The following VWC2L variants were observed in gnomAD, a reference collection of about 807,000 sequenced individuals.
VWC2L encodes von Willebrand factor C domain-containing protein 2-like.
In VWC2L, 10 loss-of-function variants were observed where a neutral mutation model predicts 21.6. The observed-to-expected ratio is 0.46, with a 90% CI of 0.29 to 0.78. The LOEUF is 0.78. VWC2L is among the 30% of genes least tolerant of loss of function. The pLI is 0.10. For missense variants in VWC2L, 209 were observed against 277.1 expected (o/e 0.75, Z 1.74); for synonymous variants, 96 against 94.3 (o/e 1.02, Z -0.10).
intron 3 of VWC2L, among the ~76,000 whole-genome samples, chr2:214,454,989 T>A (rs933267041): frequency 5.3e-5 from 8 of 152,238 alleles, no homozygotes; most frequent in African/African-American, 1.7e-4. Context: ...TTGCAAAAAA[T>A]TTTTTAAAAA....
chr2:214,456,016 C>G (rs190281081), intron 3 of VWC2L, among the ~76,000 whole-genome samples: 19 of 152,182 alleles, frequency 1.2e-4, no homozygotes, highest in Admixed American at 9.2e-4. Flanking sequence ...GATGGTATCC[C>G]TTTGATATAC....
intron 3 of VWC2L, among the ~76,000 whole-genome samples, 191 bp from the exon 4 acceptor site, chr2:214,575,481 A>G (rs1266170695): frequency 6.6e-6 from 1 of 152,174 alleles, no homozygotes; most frequent in Non-Finnish European, 1.5e-5. Flanking sequence ...CACGGGAAAT[A>G]TGAGCTGTGT....
At chr2:214,550,915 G>A (rs1689783672) in intron 3 of VWC2L, among the ~76,000 whole-genome samples, 1 of 152,032 alleles carries the variant, frequency 6.6e-6, no homozygotes, top group Non-Finnish European at 1.5e-5. Context: ...GCTACAAAAG[G>A]CCTTTTGTAA....
chr2:214,445,651 T>A (rs550280809), intron 3 of VWC2L, among the ~76,000 whole-genome samples: 23 of 151,934 alleles, frequency 1.5e-4, no homozygotes, highest in African/African-American at 4.6e-4. Context: ...CTATATGATA[T>A]GATAACTTTA....
intron 3 of VWC2L, among the ~76,000 whole-genome samples, chr2:214,485,443 A>G (rs13425618): frequency 0.23 from 34,577 of 152,072 alleles, 4,029 homozygotes; most frequent in Admixed American, 0.27. Flanking sequence ...TCTCTGTGTG[A>G]CTGTAGGTAA....
chr2:214,466,538 T>C (rs908070422), intron 3 of VWC2L, among the ~76,000 whole-genome samples: 1 of 152,226 alleles, frequency 6.6e-6, no homozygotes, highest in African/African-American at 2.4e-5. Flanking sequence ...TTATTCAGGC[T>C]TTATTTTTTA....
chr2:214,526,071 A>G (rs1008867301), intron 3 of VWC2L, among the ~76,000 whole-genome samples: 2 of 150,584 alleles, frequency 1.3e-5, no homozygotes, highest in African/African-American at 4.8e-5. Flanking sequence ...AAAAATAAAT[A>G]ACATATATTA....
chr2:214,435,695 A>G (rs1410648027), intron 2 of VWC2L, among the ~76,000 whole-genome samples: 1 of 152,124 alleles, frequency 6.6e-6, no homozygotes, highest in Non-Finnish European at 1.5e-5. Flanking sequence ...TTGATTTGAG[A>G]AATGTGGACA....
rs569602059 is a variant in VWC2L, at chr2:214,457,773, AT to A, written c.520+21018del. Among the ~76,000 whole-genome samples, 261 of 152,150 alleles carry A rather than the reference AT, an allele frequency of 1.7e-3. 2 individuals carry two copies. Among genetic ancestry groups the A allele is most frequent in the East Asian group, 9.6e-3 (50 of 5,182 alleles). ...TTGATATGATGTATCACATTTATGCATTTGGTTATGCTGATCCATCCCTATA... is the reference window on the plus strand; with the variant it reads ...TTGATATGATGTATCACATTTATGCATTGGTTATGCTGATCCATCCCTATA... On this transcript the variant is annotated intron_variant, in intron 3 of 3. Transcript: ENST00000312504.
intron 3 of VWC2L, among the ~76,000 whole-genome samples, chr2:214,499,346 T>G (rs1688859135): frequency 6.6e-6 from 1 of 151,932 alleles, no homozygotes; most frequent in Non-Finnish European, 1.5e-5. Flanking sequence ...CAGATAAAAT[T>G]GAAGGGAAGA....
At chr2:214,498,957 A>C (rs1688851323) in intron 3 of VWC2L, among the ~76,000 whole-genome samples, 1 of 148,602 alleles carries the variant, frequency 6.7e-6, no homozygotes, top group Non-Finnish European at 1.5e-5. Context: ...GTCAACATAG[A>C]GGGGATTTAT....
chr2:214,455,326 C>T (rs1017099781), intron 3 of VWC2L, among the ~76,000 whole-genome samples: 2 of 152,094 alleles, frequency 1.3e-5, no homozygotes, highest in African/African-American at 4.8e-5. Flanking sequence ...ATCTAAGCTG[C>T]TGGATTTATG....
intron 3 of VWC2L, among the ~76,000 whole-genome samples, chr2:214,516,780 G>A (rs1248185194): frequency 6.6e-6 from 1 of 152,094 alleles, no homozygotes; most frequent in Non-Finnish European, 1.5e-5. Flanking sequence ...GAGGCATGTA[G>A]ACTTACGTTT....
chr2:214,558,253 A>G (rs1444983247), intron 3 of VWC2L, among the ~76,000 whole-genome samples: 1 of 151,998 alleles, frequency 6.6e-6, no homozygotes, highest in African/African-American at 2.4e-5. Context: ...TTAAATGACA[A>G]TGTCGTCCTA....
chr2:214,491,800 C>T (rs1286975085), intron 3 of VWC2L, among the ~76,000 whole-genome samples: 1 of 151,948 alleles, frequency 6.6e-6, no homozygotes, highest in East Asian at 1.9e-4. Flanking sequence ...AGTTTTATTT[C>T]TACATGTGTA....
At chr2:214,572,452 C>T (rs6720010) in intron 3 of VWC2L, among the ~76,000 whole-genome samples, 47,577 of 152,036 alleles carry the variant, frequency 0.31, 8,997 homozygotes, top group African/African-American at 0.55. Context: ...CATTAAAATA[C>T]GTTGCTTTGC....
chr2:214,497,921 G>A (rs1421031982), intron 3 of VWC2L, among the ~76,000 whole-genome samples: 5 of 152,332 alleles, frequency 3.3e-5, no homozygotes, highest in African/African-American at 9.6e-5. Flanking sequence ...TGTGCTAGGT[G>A]CTGTAATGAA....
At chr2:214,453,572 G>T (rs1703008109) in intron 3 of VWC2L, among the ~76,000 whole-genome samples, 1 of 152,062 alleles carries the variant, frequency 6.6e-6, no homozygotes, top group Non-Finnish European at 1.5e-5. Context: ...AGGAAAATTA[G>T]CATCTTAACA....
chr2:214,529,672 T>C (rs2105915331), intron 3 of VWC2L, among the ~76,000 whole-genome samples: 1 of 152,284 alleles, frequency 6.6e-6, no homozygotes, highest in South Asian at 2.1e-4. Flanking sequence ...ATCTAAATTA[T>C]GAAGCTTTTC....
Sources: allele counts gnomAD v4.1 joint callset (sites outside exome capture counted in the v4.1 genomes callset), GRCh38; gene constraint gnomAD v4.1.1; transcripts MANE v1.5; gene names NCBI Gene and HGNC (gene_info 2026-07-23, HGNC 2026-07-21).